CUEDC1: variants seen among roughly 807,000 people sequenced by gnomAD.
CUEDC1 encodes CUE domain-containing protein 1.
Under a neutral mutation model 43.7 loss-of-function variants are expected in CUEDC1, and 30 were observed. The observed-to-expected ratio is 0.69, with a 90% confidence interval of 0.51 to 0.93. The LOEUF (loss-of-function observed/expected upper bound fraction) is 0.93. Among genes scored for constraint, CUEDC1 ranks in the 40% least tolerant of loss-of-function variants. The pLI is 0.00. For missense variants in CUEDC1, 486 were observed against 549.0 expected, an observed-to-expected ratio of 0.89 and a Z score of 1.15; for synonymous variants, 223 against 223.6, an observed-to-expected ratio of 1.00 and a Z score of 0.02.
chr17:57,946,982 C>T (rs2074965570), intron 1 of CUEDC1, among the ~76,000 whole-genome samples: 1 of 152,084 alleles, frequency 6.6e-6, no homozygotes, highest in African/African-American at 2.4e-5. Flanking sequence ...AGCTGACCCT[C>T]CCTGGAGCTC....
chr17:57,869,288 G>A, intron 6 of CUEDC1, 95 bp from the exon 7 acceptor site: 8 of 1,072,270 alleles, frequency 7.5e-6, no homozygotes, highest in Admixed American at 1.9e-5. Flanking sequence ...TGCAAAGAAA[G>A]AGCAGGCTTC....
intron 3 of CUEDC1, among the ~76,000 whole-genome samples, chr17:57,876,797 C>G (rs2074132159): frequency 2.0e-5 from 3 of 152,218 alleles, no homozygotes; most frequent in Admixed American, 6.5e-5. Flanking sequence ...TAGAGCTAAA[C>G]TTAGAAGCCA....
At position 57,940,936 on chromosome 17, in the gene CUEDC1, C is replaced by T. The variant is rs188783400; in HGVS notation, c.-316+14289G>A. On this transcript the variant is annotated intron_variant, in intron 1 of 10. Transcript: ENST00000577830. ...TAACCTGAGCCCCAGAGAAGCTAAGCTGCCAGGAGGCAAAGACAGCTTGTC... is the reference window on the plus strand; with the variant it reads ...TAACCTGAGCCCCAGAGAAGCTAAGTTGCCAGGAGGCAAAGACAGCTTGTC... 1.3e-4 allele frequency among the ~76,000 whole-genome samples: 20 copies of T among 152,360 alleles called. No individual in the cohort carries two copies. In the East Asian group the frequency reaches 3.7e-3, roughly 28 times the overall value.
chr17:57,896,851 C>G (rs1597992410), intron 1 of CUEDC1, among the ~76,000 whole-genome samples: 1 of 143,260 alleles, frequency 7.0e-6, no homozygotes. Context: ...GCTTATGCAA[C>G]CTCTGCCTCC....
chr17:57,950,473 A>T (rs1056003826), intron 1 of CUEDC1, among the ~76,000 whole-genome samples: 73 of 136,972 alleles, frequency 5.3e-4, no homozygotes, highest in Admixed American at 1.2e-3. Context: ...TTTTTTATTT[A>T]TTTATTTTTT....
At chr17:57,935,165 A>G (rs1295556256) in intron 1 of CUEDC1, among the ~76,000 whole-genome samples, 1 of 152,190 alleles carries the variant, frequency 6.6e-6, no homozygotes, top group Non-Finnish European at 1.5e-5. Context: ...CAAACTGCCA[A>G]TGTGTTTACC....
At chr17:57,950,454 C>CT (rs1033356103) in intron 1 of CUEDC1, among the ~76,000 whole-genome samples, 5 of 149,848 alleles carry the variant, frequency 3.3e-5, no homozygotes, top group African/African-American at 1.2e-4. Flanking sequence ...TGTCCAGCCT[C>CT]TTTTTTATTT....
chr17:57,921,010 T>C (rs1196886432), intron 1 of CUEDC1, among the ~76,000 whole-genome samples: 2 of 152,246 alleles, frequency 1.3e-5, no homozygotes, highest in Non-Finnish European at 2.9e-5. Flanking sequence ...TTAAAACACA[T>C]GTACAGATCA....
At chr17:57,946,903 G>A (rs2074964881) in intron 1 of CUEDC1, among the ~76,000 whole-genome samples, 1 of 152,016 alleles carries the variant, frequency 6.6e-6, no homozygotes, top group African/African-American at 2.4e-5. Flanking sequence ...TCCTCTCTCT[G>A]CTCAACACAG....
chr17:57,907,291 C>T (rs749536875), intron 1 of CUEDC1, among the ~76,000 whole-genome samples: 5 of 152,092 alleles, frequency 3.3e-5, no homozygotes, highest in South Asian at 2.1e-4. Context: ...TGCTGGAAAA[C>T]GAAGCATGCA....
At position 57,920,632 on chromosome 17, in the gene CUEDC1, CTTTTTTTT is replaced by C. The variant is rs58900177; in HGVS notation, c.-316+34585_-316+34592del. Among the ~76,000 whole-genome samples the C allele has an allele frequency of 7.8e-5, 9 of 115,192 alleles. No individual in the cohort carries two copies. The South Asian group carries it at 1.2e-3, about 15-fold the overall frequency. 75.6% of individuals were successfully genotyped at this position (115,192 alleles called of 152,430 possible). ...ATTATCTGAATTTTCTTTTTCTTTT[CTTTTTTTT>C]TTTTTTTTTGAGATGGAGTCTTGCT... On this transcript the variant is annotated intron_variant, in intron 1 of 10. Coordinates refer to ENST00000577830, the MANE Select transcript of CUEDC1 (RefSeq NM_001271875.2).
chr17:57,936,844 C>T (rs1474764207), intron 1 of CUEDC1, among the ~76,000 whole-genome samples: 12 of 129,514 alleles, frequency 9.3e-5, no homozygotes, highest in Non-Finnish European at 1.9e-4. Flanking sequence ...TTTTTTGAAA[C>T]GGTGTCTCGC....
chr17:57,877,289 C>A lies in CUEDC1; in HGVS notation c.464+2322G>T, dbSNP rs200928745. Among the ~76,000 whole-genome samples the A allele has an allele frequency of 1.7e-4, 26 of 152,310 alleles. No homozygotes were observed. The East Asian group carries it at 3.7e-3, about 22-fold the overall frequency. On this transcript the variant is annotated intron_variant, in intron 3 of 10. Coordinates refer to ENST00000577830, the MANE Select transcript of CUEDC1 (RefSeq NM_001271875.2). Reference sequence around the variant, plus strand: ...CACCCACAGCAGGCTGAACACCCAGCCAGAGTAGGGAGGGAGGATGTGGCA... The same window carrying A: ...CACCCACAGCAGGCTGAACACCCAGACAGAGTAGGGAGGGAGGATGTGGCA...
intron 1 of CUEDC1, among the ~76,000 whole-genome samples, chr17:57,921,003 A>G (rs2074692998): frequency 2.0e-5 from 3 of 152,250 alleles, no homozygotes; most frequent in Admixed American, 6.5e-5. Context: ...GTATGTTTTA[A>G]AACACATGTA....
Position 57,885,365 on chromosome 17 carries a change from T to A in CUEDC1, c.200A>T (p.Glu67Val), listed in dbSNP as rs2074273955. 5 of 1,612,382 alleles carry A rather than the reference T, an allele frequency of 3.1e-6. No homozygotes were observed. Among genetic ancestry groups the A allele is most frequent in the Non-Finnish European group, 4.2e-6 (5 of 1,179,756 alleles). ...GCCGCTGTTGGCGCGCAGCACGCAT[T>A]CGATGATGTCGTAATCCATGTTGGG... is the stretch of plus-strand genomic sequence containing the variant. ...MFPNMDYDII[E>V]CVLRANSGAV... is the part of the protein sequence containing the mutation. The change falls in exon 2 of 11, where the codon GAA becomes GTA. Residue 67 changes from glutamate (E) to valine (V), a missense_variant. Transcript: ENST00000577830.
chr17:57,889,133 C>T (rs539369585), intron 1 of CUEDC1, among the ~76,000 whole-genome samples: 11 of 152,332 alleles, frequency 7.2e-5, no homozygotes, highest in Admixed American at 3.3e-4. Flanking sequence ...CCATCCTCTC[C>T]GTGGCCCTAA....
At chr17:57,868,982 G>T in intron 7 of CUEDC1, 140 bp downstream of exon 7, 1 of 803,844 alleles carries the variant, frequency 1.2e-6, no homozygotes, top group Non-Finnish European at 2.0e-6. Flanking sequence ...GGCTGAGGGA[G>T]CCAGCCTGCG....
At chr17:57,892,197 A>T (rs923033064) in intron 1 of CUEDC1, among the ~76,000 whole-genome samples, 1 of 152,174 alleles carries the variant, frequency 6.6e-6, no homozygotes, top group African/African-American at 2.4e-5. Context: ...CCTAGAAGAT[A>T]TATAAGGGAA....
intron 1 of CUEDC1, among the ~76,000 whole-genome samples, chr17:57,887,494 A>T (rs1169944581): frequency 7.8e-6 from 1 of 128,038 alleles, no homozygotes; most frequent in Non-Finnish European, 1.6e-5. Flanking sequence ...AACAGCTGAT[A>T]CAGAAATTTT....
Sources: gnomAD v4.1 joint callset for allele counts (sites outside exome capture counted in the v4.1 genomes callset) on GRCh38, gnomAD v4.1.1 for gene constraint, MANE v1.5 for transcripts, NCBI Gene and HGNC (gene_info 2026-07-23, HGNC 2026-07-21) for gene names.